Variants in RBM4B observed in about 807,000 individuals in gnomAD.
RBM4B encodes the protein RNA-binding protein 4B.
Under a neutral mutation model 28.5 loss-of-function variants are expected in RBM4B, and 13 were observed. That is an observed-to-expected ratio of 0.46 (90% CI 0.30 to 0.72). RBM4B has a LOEUF of 0.72. Among genes scored for constraint, RBM4B ranks in the 30% least tolerant of loss-of-function variants. RBM4B has a pLI of 0.09. For missense variants in RBM4B, 387 were observed against 477.6 expected, an observed-to-expected ratio of 0.81 and a Z score of 1.77; for synonymous variants, 167 against 179.1, an observed-to-expected ratio of 0.93 and a Z score of 0.54.
At chr11:66,666,222 G>A (rs1363763984) in intron 3 of RBM4B, 16 of 890,564 alleles carry the variant, frequency 1.8e-5, no homozygotes, top group Non-Finnish European at 2.4e-5. Context: ...TTCTATTGAT[G>A]ATGGGAACTC....
Position 66,676,820 on chromosome 11 carries a change from G to T in RBM4B, c.260C>A (p.Pro87His). The change falls in exon 2 of 4, where the codon CCC (proline) becomes CAC (histidine). Residue 87 changes from proline (P) to histidine (H), a missense_variant. By Grantham distance (77) the Pro-to-His change is moderately conservative. Around this residue, in one of 2 missense-constraint regions of RBM4B, gnomAD observed 161 missense variants for 256.9 expected, o/e 0.63. Transcript: ENST00000310046. ...TCGAAGCTCTTGGTTGGTACAAGTG[G>T]GGCTGATGTTACCCACGTGTAACTT... ...STKLHVGNIS[P>H]TCTNQELRAK... is the part of the protein sequence containing the mutation. The T allele has an allele frequency of 6.2e-7, 1 of 1,614,132 alleles. No individual in the cohort carries two copies. Among genetic ancestry groups the T allele is most frequent in the Non-Finnish European group, 8.5e-7 (1 of 1,180,038 alleles).
In RBM4B at chr11:66,665,732, A is replaced by AT. The variant is rs1236128180; in HGVS notation, c.*10-155dup. ...CTGGATCTAACTCATATCCCATGTA[A>AT]TTACCTAGGAGTCTATCAATAGCTA... On this transcript the variant is annotated intron_variant, in intron 3 of 3. Transcript: ENST00000310046. 4 of 1,363,474 alleles carry AT rather than the reference A, an allele frequency of 2.9e-6. No homozygotes were observed. The African/African-American group carries it at 4.4e-5, about 15-fold the overall frequency. The allele number at this position is 1,363,474 out of a possible 1,614,324, so 84.5% of individuals were successfully genotyped here.
chr11:66,677,206 A>T (rs1352538237), intron 1 of RBM4B, 115 bp from the exon 2 acceptor site: 4 of 1,272,000 alleles, frequency 3.1e-6, no homozygotes, highest in Non-Finnish European at 2.2e-6. Flanking sequence ...CCTCGTACAG[A>T]CATTCATTAT....
At chr11:66,676,417 A>ACTT in intron 2 of RBM4B, 1 of 579,764 alleles carries the variant, frequency 1.7e-6, no homozygotes, top group Admixed American at 3.2e-5. Context: ...TCAATGCAAG[A>ACTT]ATCCCGCAGG....
At position 66,665,344 on chromosome 11, in the gene RBM4B, C is replaced by T. The variant is rs1483028492; in HGVS notation, c.*244G>A. On this transcript the variant is annotated 3_prime_UTR_variant, in exon 4 of 4. Coordinates refer to ENST00000310046, the MANE Select transcript of RBM4B (RefSeq NM_031492.4). ...AAAGGGGATGCCAGCATAATCCTTA[C>T]CTAGGGCTGCTCAGAGGCTGAGAAT... 2 of 573,460 alleles carry T rather than the reference C, an allele frequency of 3.5e-6. No homozygotes were observed. The highest frequency in any genetic ancestry group is 2.1e-5 in the South Asian group (1 of 48,540). The allele number at this position is 573,460 out of a possible 1,614,324, so 35.5% of individuals were successfully genotyped here. A position where few individuals can be genotyped will look rare whatever the true frequency, so the allele number is the denominator to read the frequency against.
In RBM4B at chr11:66,665,538, A is replaced by C. The variant is rs2135224469; in HGVS notation, c.*50T>G. ...GGGACCGCGCGGAGCAAGTTCTCAT[A>C]TATGACCGCAGCCCGAGGGTTCAGT... On this transcript the variant is annotated 3_prime_UTR_variant, in exon 4 of 4. Transcript: ENST00000310046. 1.3e-6 allele frequency: 2 copies of C among 1,495,546 alleles called. No individual in the cohort carries two copies. Among genetic ancestry groups the C allele is most frequent in the African/African-American group, 1.4e-5 (1 of 72,398 alleles). 92.6% of individuals were successfully genotyped at this position (1,495,546 alleles called of 1,614,324 possible).
chr11:66,674,374 G>C (rs1397965235), intron 2 of RBM4B, among the ~76,000 whole-genome samples: 1 of 151,056 alleles, frequency 6.6e-6, no homozygotes, highest in Non-Finnish European at 1.5e-5. Flanking sequence ...CAAGGCGCCT[G>C]CCACCATGGC....
In RBM4B at chr11:66,666,166, C is replaced by G. The variant is rs1939225667; in HGVS notation, c.*10-588G>C. 7 of 780,704 alleles carry G rather than the reference C, an allele frequency of 9.0e-6. No homozygotes were observed. The East Asian group carries it at 1.3e-4, about 14-fold the overall frequency. The allele number at this position is 780,704 out of a possible 1,614,324, so 48.4% of individuals were successfully genotyped here. On this transcript the variant is annotated intron_variant, in intron 3 of 3. Coordinates refer to ENST00000310046, the MANE Select transcript of RBM4B (RefSeq NM_031492.4). ...CAGTAGTTCCCCTAATTGACCAAATCTCCCTTGCCAAATCAAAAGAAATCA... is the reference window on the plus strand; with the variant it reads ...CAGTAGTTCCCCTAATTGACCAAATGTCCCTTGCCAAATCAAAAGAAATCA...
At chr11:66,665,667 T>TC in intron 3 of RBM4B, 89 bp from the exon 4 acceptor site, 2 of 1,519,110 alleles carry the variant, frequency 1.3e-6, no homozygotes, top group Non-Finnish European at 1.8e-6. Context: ...TGTCCTGTAT[T>TC]CCGGGGGGAA....
chr11:66,674,504 G>T (rs572142270), intron 2 of RBM4B, among the ~76,000 whole-genome samples: 1 of 151,962 alleles, frequency 6.6e-6, no homozygotes, highest in East Asian at 1.9e-4. Flanking sequence ...TGGGATTACA[G>T]GCGTGAGCCA....
chr11:66,670,894 T>C, intron 2 of RBM4B: 4 of 701,534 alleles, frequency 5.7e-6, no homozygotes, highest in Non-Finnish European at 1.0e-5. Flanking sequence ...TGAGAACAAA[T>C]CCCCCCTCTG....
Position 66,668,599 on chromosome 11 carries a change from C to A in RBM4B, c.*9+16G>T. The stretch of plus-strand genomic sequence containing the variant: ...AACTAAATGGAATCTTTTAACCATT[C>A]CCACCCATCTCTCACCTCCAGTTTT... On this transcript the variant is annotated intron_variant, in intron 3 of 3. Coordinates refer to ENST00000310046, the MANE Select transcript of RBM4B (RefSeq NM_031492.4). 1 of 1,575,736 alleles carries A rather than the reference C, an allele frequency of 6.3e-7. No individual in the cohort carries two copies. The highest frequency in any genetic ancestry group is 2.3e-5 in the East Asian group (1 of 44,350).
At position 66,668,872 on chromosome 11, in the gene RBM4B, T is replaced by A; in HGVS notation, c.832A>T (p.Asn278Tyr). Residue 278 changes from asparagine (N) to tyrosine (Y), a missense_variant, in exon 3 of 4, where the codon AAC becomes TAC. Transcript: ENST00000310046. ...VDPYDRHLLP[N>Y]SGAAATSAAM... ...GCTGAAGTGGCAGCAGCGCCAGAGT[T>A]TGGCAATAGGTGTCTGTCATAGGGA... 6.2e-7 allele frequency: 1 copy of A among 1,614,148 alleles called. No individual in the cohort carries two copies. The highest frequency in any genetic ancestry group is 1.1e-5 in the South Asian group (1 of 91,076).
At chr11:66,670,583 G>A (rs1939427835) in intron 2 of RBM4B, among the ~76,000 whole-genome samples, 1 of 152,148 alleles carries the variant, frequency 6.6e-6, no homozygotes, top group East Asian at 1.9e-4. Context: ...AGCATCTGAA[G>A]TCTTTAAAAG....
intron 3 of RBM4B, chr11:66,666,219 G>A: frequency 1.1e-6 from 1 of 876,672 alleles, no homozygotes; most frequent in South Asian, 2.8e-5. Context: ...TCCTTCTATT[G>A]ATGATGGGAA....
At chr11:66,665,919 A>G in intron 3 of RBM4B, 1 of 1,535,560 alleles carries the variant, frequency 6.5e-7, no homozygotes, top group African/African-American at 1.4e-5. Flanking sequence ...TACATTTTCA[A>G]GAACTGCAAT....
chr11:66,665,820 T>C, intron 3 of RBM4B: 1 of 1,486,238 alleles, frequency 6.7e-7, no homozygotes, highest in South Asian at 1.2e-5. Flanking sequence ...GAAGAATGTG[T>C]TGGTGATAAA....
intron 3 of RBM4B, chr11:66,668,282 T>TCTC: frequency 2.2e-5 from 5 of 227,822 alleles, no homozygotes; most frequent in South Asian, 9.7e-5. Flanking sequence ...ATCGTGTAGA[T>TCTC]GATATACAGA....
At chr11:66,672,337 G>T (rs1376056409) in intron 2 of RBM4B, among the ~76,000 whole-genome samples, 1 of 146,212 alleles carries the variant, frequency 6.8e-6, no homozygotes, top group African/African-American at 2.5e-5. Flanking sequence ...TTGAACCCGG[G>T]AGGCGGAGGC....
Sources: gnomAD v4.1 joint callset for allele counts (sites outside exome capture counted in the v4.1 genomes callset) on GRCh38, gnomAD v4.1.1 for gene constraint, gnomAD v4.1.1 regional missense constraint, MANE v1.5 for transcripts, NCBI Gene and HGNC (gene_info 2026-07-23, HGNC 2026-07-21) for gene names.